Variants in NUP107 observed in about 807,000 individuals in gnomAD.
NUP107 encodes the protein nucleoporin 107, also known as nuclear pore complex protein Nup107.
Under a neutral mutation model 141.0 loss-of-function variants are expected in NUP107, and 101 were observed. That is an observed-to-expected ratio of 0.72 (90% confidence interval 0.61 to 0.84). The LOEUF (loss-of-function observed/expected upper bound fraction) is 0.84. Among genes scored for constraint, NUP107 ranks in the 40% least tolerant of loss-of-function variants. The pLI, the probability that NUP107 is intolerant of heterozygous loss-of-function variation, is 0.00. For missense variants in NUP107, 941 were observed against 1,102.7 expected (o/e 0.85, Z 2.08); for synonymous variants, 319 against 363.9 (o/e 0.88, Z 1.41).
chr12:68,726,743 A>G (rs932988644), intron 19 of NUP107, 126 bp downstream of exon 19: 1 of 643,160 alleles, frequency 1.6e-6, no homozygotes, highest in Non-Finnish European at 2.7e-6. Context: ...AGTCTTCCAT[A>G]TAGTCTTGTA....
chr12:68,737,330 T>C (rs1434538200), intron 26 of NUP107, among the ~76,000 whole-genome samples: 2 of 151,946 alleles, frequency 1.3e-5, no homozygotes, highest in Non-Finnish European at 2.9e-5. Context: ...TTTGAGAGGC[T>C]GAGGTGGGTG....
chr12:68,697,295 G>A (rs1876112694), intron 6 of NUP107, among the ~76,000 whole-genome samples: 1 of 152,072 alleles, frequency 6.6e-6, no homozygotes, highest in South Asian at 2.1e-4. Context: ...ATGGTGCTAT[G>A]TACCTGTGAT....
intron 8 of NUP107, chr12:68,706,179 A>G (rs948717406): frequency 2.1e-5 from 16 of 766,972 alleles, no homozygotes; most frequent in Non-Finnish European, 3.6e-5. Context: ...TACGAGGATG[A>G]TATCAAAAAG....
At chr12:68,719,288 TTACTA>T in intron 12 of NUP107, 48 bp from the exon 13 acceptor site, 2 of 1,337,194 alleles carry the variant, frequency 1.5e-6, no homozygotes, top group Non-Finnish European at 2.1e-6. Context: ...TGGTTATACT[TTACTA>T]TAAAGCACCC....
chr12:68,742,741 G>GT lies in NUP107; in HGVS notation c.*285dup, dbSNP rs1277581466. 2.4e-5 allele frequency: 4 copies of GT among 168,862 alleles called. No individual in the cohort carries two copies. Among genetic ancestry groups the GT allele is most frequent in the Non-Finnish European group, 5.0e-5 (4 of 79,690 alleles). The allele number at this position is 168,862 out of a possible 1,614,324, so 10.5% of individuals were successfully genotyped here. ...TAAGAAAATTAAATTTTCTGTTCTA[G>GT]TTTTTTCTGTAATCATAAGCATTCT... On this transcript the variant is annotated 3_prime_UTR_variant, in exon 28 of 28. Transcript: ENST00000229179.
chr12:68,729,422 A>G (rs1181309081), intron 20 of NUP107, among the ~76,000 whole-genome samples: 1 of 151,788 alleles, frequency 6.6e-6, no homozygotes, highest in Non-Finnish European at 1.5e-5. Context: ...GATTTATGAC[A>G]TACCTTTTTT....
Position 68,700,709 on chromosome 12 carries a change from C to G in NUP107, c.553-17C>G, listed in dbSNP as rs1241235559. ...TTGTAGAAAATTAACCTCTTTACATCTGTGTTTTTTATTCAGGTGAATATA... is the reference window on the plus strand; with the variant it reads ...TTGTAGAAAATTAACCTCTTTACATGTGTGTTTTTTATTCAGGTGAATATA... On this transcript the variant is annotated splice_polypyrimidine_tract_variant and intron_variant, in intron 6 of 27. Transcript: ENST00000229179. 1.3e-6 allele frequency: 2 copies of G among 1,558,848 alleles called. No individual in the cohort carries two copies.
At chr12:68,738,754 A>G (rs922374291) in intron 26 of NUP107, among the ~76,000 whole-genome samples, 1 of 152,114 alleles carries the variant, frequency 6.6e-6, no homozygotes, top group Non-Finnish European at 1.5e-5. Context: ...CACTACCTCT[A>G]CCTCTAGCAC....
chr12:68,687,918 G>C (rs1026645720), intron 1 of NUP107, among the ~76,000 whole-genome samples: 1 of 152,194 alleles, frequency 6.6e-6, no homozygotes, highest in African/African-American at 2.4e-5. Flanking sequence ...ACCTGCATCT[G>C]TGTGTCTCCA....
rs1430547081 is a variant in NUP107, at chr12:68,731,651, C to T, written c.1930C>T (p.Arg644Ter). ...TITKTVVENI[R>*]KKDNGEFSHH... ...AACAAAAACTGTAGTTGAGAATATTCGAAAGAAAGATAATGGTGAATTTAG... is the reference window on the plus strand; with the variant it reads ...AACAAAAACTGTAGTTGAGAATATTTGAAAGAAAGATAATGGTGAATTTAG... Residue 644 changes from arginine to a stop codon, truncating the protein, a stop_gained, in exon 22 of 28, where the codon CGA (arginine) becomes TGA (stop). Coordinates refer to ENST00000229179, the MANE Select transcript of NUP107 (RefSeq NM_020401.4). LOFTEE classifies it high-confidence loss of function. 4 of 1,584,324 alleles carry T rather than the reference C, an allele frequency of 2.5e-6. No individual in the cohort carries two copies. The highest frequency in any genetic ancestry group is 3.4e-6 in the Non-Finnish European group (4 of 1,171,688).
Position 68,725,837 on chromosome 12 carries a change from G to GGTTTTT in NUP107, c.1576+41_1576+42insGTTTTT, listed in dbSNP as rs376106399. 583 of 621,056 alleles carry GGTTTTT rather than the reference G, an allele frequency of 9.4e-4. 6 individuals are homozygous for GGTTTTT. Among genetic ancestry groups the GGTTTTT allele is most frequent in the Middle Eastern group, 1.8e-3 (4 of 2,202 alleles). 38.5% of individuals were successfully genotyped at this position (621,056 alleles called of 1,614,324 possible). A position where few individuals can be genotyped will look rare whatever the true frequency, so the allele number is the denominator to read the frequency against. ...ATTTTACTTTGTGTTTTTTGTGTGT[G>GGTTTTT]TTTTTTTTTTTTTTTTTGAGACAAA... On this transcript the variant is annotated intron_variant, in intron 18 of 27. Transcript: ENST00000229179.
At chr12:68,708,396 A>G (rs1426990763) in intron 8 of NUP107, among the ~76,000 whole-genome samples, 4 of 152,146 alleles carry the variant, frequency 2.6e-5, no homozygotes, top group Non-Finnish European at 5.9e-5. Context: ...AATTAATTTG[A>G]CCCATTCTTG....
chr12:68,694,858 GCC>G (rs1434768234), intron 5 of NUP107, among the ~76,000 whole-genome samples: 3 of 152,184 alleles, frequency 2.0e-5, no homozygotes, highest in South Asian at 2.1e-4. Context: ...CTGAGATCAT[GCC>G]ATTGCACCTC....
In NUP107 at chr12:68,734,843, A is replaced by T. The variant is rs759652002; in HGVS notation, c.2388+10A>T. 6.2e-7 allele frequency: 1 copy of T among 1,610,950 alleles called. No homozygotes were observed. The highest frequency in any genetic ancestry group is 1.1e-5 in the South Asian group (1 of 90,216). ...AGAAAAGAAATATGAAGTAAGTTAAATATGGATCTAGGATGTGCCTACTGC... is the reference window on the plus strand; with the variant it reads ...AGAAAAGAAATATGAAGTAAGTTAATTATGGATCTAGGATGTGCCTACTGC... On this transcript the variant is annotated intron_variant, in intron 25 of 27. Transcript: ENST00000229179.
chr12:68,705,694 A>C lies in NUP107; in HGVS notation c.729+2910A>C, dbSNP rs1273747610. The C allele has an allele frequency of 6.2e-6, 4 of 649,590 alleles. No homozygotes were observed. In the East Asian group the frequency reaches 9.3e-5, roughly 15 times the overall value. 40.2% of individuals were successfully genotyped at this position (649,590 alleles called of 1,614,324 possible). A position where few individuals can be genotyped will look rare whatever the true frequency, so the allele number is the denominator to read the frequency against. Reference sequence around the variant, plus strand: ...GTCCAACTCTGGCCCAAGGGCCTTCAGTAGCCATTCCTACATGTGTGGGCC... The same window carrying C: ...GTCCAACTCTGGCCCAAGGGCCTTCCGTAGCCATTCCTACATGTGTGGGCC... On this transcript the variant is annotated intron_variant, in intron 8 of 27. Transcript: ENST00000229179.
At chr12:68,724,811 A>T (rs1877492117) in intron 17 of NUP107, among the ~76,000 whole-genome samples, 1 of 152,038 alleles carries the variant, frequency 6.6e-6, no homozygotes, top group African/African-American at 2.4e-5. Context: ...AAAAAACCAC[A>T]CTGAAAGCAA....
intron 8 of NUP107, chr12:68,705,996 C>T: frequency 1.1e-6 from 1 of 887,808 alleles, no homozygotes; most frequent in Non-Finnish European, 1.9e-6. Context: ...TGCTGGAGAC[C>T]AAGTGGAGGC....
intron 23 of NUP107, among the ~76,000 whole-genome samples, chr12:68,733,030 A>G (rs1467153407): frequency 1.3e-5 from 2 of 151,774 alleles, no homozygotes; most frequent in Non-Finnish European, 2.9e-5. Context: ...TGTATTTTTG[A>G]ATTTGGGGTG....
At chr12:68,735,382 CACTCACCATGT>C (rs1878026269) in intron 26 of NUP107, 38 bp downstream of exon 26, 3 of 1,365,970 alleles carry the variant, frequency 2.2e-6, no homozygotes, top group South Asian at 1.2e-5. Context: ...AAAACCAAAA[CACTCACCATGT>C]TCTTTTTTAA....
Sources: allele counts gnomAD v4.1 joint callset (sites outside exome capture counted in the v4.1 genomes callset), GRCh38; gene constraint gnomAD v4.1.1; transcripts MANE v1.5; gene names NCBI Gene and HGNC (gene_info 2026-07-23, HGNC 2026-07-21).